The following CATSPERD variants were observed in gnomAD, a reference collection of about 807,000 sequenced individuals.
CATSPERD encodes catsper channel auxiliary subunit delta, also known as cation channel sperm-associated auxiliary subunit delta.
In CATSPERD, 86 loss-of-function variants were observed where a neutral mutation model predicts 98.1. That is an observed-to-expected ratio of 0.88 (90% CI 0.74 to 1.05). CATSPERD has a LOEUF of 1.05. Among genes scored for constraint, CATSPERD ranks in the 50% least tolerant of loss-of-function variants. CATSPERD has a pLI of 0.00. For missense variants in CATSPERD, 995 were observed against 1,005.7 expected (o/e 0.99, Z 0.14); for synonymous variants, 394 against 390.2 (o/e 1.01, Z -0.12).
rs2056057234 is a variant in CATSPERD at position 5,744,481 on chromosome 19, G to A, written c.628G>A (p.Val210Ile). 2 of 1,612,536 alleles carry A rather than the reference G, an allele frequency of 1.2e-6. No individual in the cohort carries two copies. The highest frequency in any genetic ancestry group is 1.6e-4 in the Middle Eastern group (1 of 6,070). Residue 210 changes from valine (V) to isoleucine (I), a missense_variant, in exon 8 of 22, where the codon GTT becomes ATT. By Grantham distance (29) the Val-to-Ile change is conservative (BLOSUM62 3). This residue lies in a region of CATSPERD where 762 missense variants were observed against 773.7 expected (regional missense o/e 0.98). Transcript: ENST00000381624. ...GIFHFFSLSQ[V>I]AMLVVNQGKG... Reference sequence around the variant, plus strand: ...CTTCCACTTTTTTTCTTTGTCACAGGTTGCGATGCTTGTAGTGAATCAAGG... The same window carrying A: ...CTTCCACTTTTTTTCTTTGTCACAGATTGCGATGCTTGTAGTGAATCAAGG...
rs533232488 is a variant in CATSPERD, at chr19:5,767,339, G to T, written c.1560-829G>T. 1.1e-3 allele frequency among the ~76,000 whole-genome samples: 146 copies of T among 134,938 alleles called. 6 individuals are homozygous for T. The South Asian group carries it at 0.033, about 31-fold the overall frequency. 88.5% of individuals were successfully genotyped at this position (134,938 alleles called of 152,430 possible). A position where few individuals can be genotyped will look rare whatever the true frequency, so the allele number is the denominator to read the frequency against. On this transcript the variant is annotated intron_variant, in intron 17 of 21. Transcript: ENST00000381624. ...CTCAAAAAAAAAAAAAAAAAAGCCA[G>T]ACCAGCTACACCTCTAACGGCAAAG...
intron 8 of CATSPERD, among the ~76,000 whole-genome samples, chr19:5,745,666 T>C (rs1235745050): frequency 6.6e-6 from 1 of 152,168 alleles, no homozygotes; most frequent in Non-Finnish European, 1.5e-5. Context: ...AAATGCATTG[T>C]GCATTTGACA....
intron 20 of CATSPERD, among the ~76,000 whole-genome samples, chr19:5,774,156 CG>C (rs1568376998): frequency 6.6e-6 from 1 of 151,536 alleles, no homozygotes; most frequent in East Asian, 2.0e-4. Context: ...TTAGTAGAGA[CG>C]GGGTTTCACC....
intron 5 of CATSPERD, among the ~76,000 whole-genome samples, chr19:5,735,774 ATTTTTTT>A (rs34107835): frequency 3.9e-5 from 4 of 102,060 alleles, no homozygotes; most frequent in Admixed American, 3.6e-4. Flanking sequence ...TGCCCGGCTA[ATTTTTTT>A]TTTTTTTTTT....
At chr19:5,760,264 T>A (rs1196460483) in intron 15 of CATSPERD, among the ~76,000 whole-genome samples, 3 of 150,784 alleles carry the variant, frequency 2.0e-5, no homozygotes, top group Non-Finnish European at 4.4e-5. Context: ...CCAGGCATGG[T>A]GACAGGCGCC....
chr19:5,773,527 T>C (rs1411726326), intron 20 of CATSPERD, among the ~76,000 whole-genome samples: 1 of 152,050 alleles, frequency 6.6e-6, no homozygotes, highest in African/African-American at 2.4e-5. Context: ...GCATCTGTTT[T>C]ATTTTTATTT....
rs576550342 is a variant in CATSPERD, at chr19:5,754,745, G to A, written c.1278+500G>A. ...GACGTGCCTCTGCATGTCTGGGCGT[G>A]ATGAGGCTGTGGCTGTCCAGCTGGC... On this transcript the variant is annotated intron_variant, in intron 13 of 21. Transcript: ENST00000381624. Among the ~76,000 whole-genome samples, 6 of 152,012 alleles carry A rather than the reference G, an allele frequency of 3.9e-5. No individual in the cohort carries two copies. In the East Asian group the frequency reaches 1.2e-3, roughly 30 times the overall value.
chr19:5,731,040 C>T (rs866611161), intron 4 of CATSPERD, among the ~76,000 whole-genome samples: 1 of 148,728 alleles, frequency 6.7e-6, no homozygotes, highest in Non-Finnish European at 1.5e-5. Flanking sequence ...TGTAGTGAGC[C>T]GTGATCGCAC....
rs144332173 is a variant in CATSPERD at position 5,740,582 on chromosome 19, C to T, written c.573+1143C>T. Among the ~76,000 whole-genome samples the T allele has an allele frequency of 5.9e-3, 887 of 151,614 alleles. 8 individuals carry two copies. Among genetic ancestry groups the T allele is most frequent in the African/African-American group, 0.02 (844 of 41,356 alleles). On this transcript the variant is annotated intron_variant, in intron 7 of 21. Transcript: ENST00000381624. ...AGCCTGGGCAACAAGAGCGAAACTC[C>T]ATCTCAAAATAAATAAATAAAATAA...
At chr19:5,744,270 G>A (rs62107434) in intron 7 of CATSPERD, among the ~76,000 whole-genome samples, 157 bp from the exon 8 acceptor site, 17 of 152,066 alleles carry the variant, frequency 1.1e-4, no homozygotes, top group African/African-American at 3.6e-4. Context: ...GTGAACCACC[G>A]CACCCAATTG....
At chr19:5,749,062 C>G in intron 10 of CATSPERD, 39 bp from the exon 11 acceptor site, 1 of 1,547,422 alleles carries the variant, frequency 6.5e-7, no homozygotes, top group Non-Finnish European at 8.9e-7. Flanking sequence ...AAATGACCAG[C>G]ATTTCAATTT....
chr19:5,733,327 C>CT (rs1568343626), intron 4 of CATSPERD, among the ~76,000 whole-genome samples: 1 of 142,242 alleles, frequency 7.0e-6, no homozygotes, highest in Non-Finnish European at 1.5e-5. Flanking sequence ...TTCTTTCTTT[C>CT]TTTCTTTCCT....
intron 11 of CATSPERD, among the ~76,000 whole-genome samples, chr19:5,750,815 GTTTCC>G (rs981164542): frequency 1.6e-4 from 25 of 152,006 alleles, no homozygotes; most frequent in African/African-American, 5.8e-4. Context: ...TTATGACTGT[GTTTCC>G]TCCCTCCCCC....
chr19:5,759,387 C>A (rs2056391096), intron 15 of CATSPERD, among the ~76,000 whole-genome samples: 1 of 151,404 alleles, frequency 6.6e-6, no homozygotes, highest in East Asian at 2.0e-4. Flanking sequence ...CACGGTGAAA[C>A]CCCGTCTCTA....
chr19:5,774,295 T>C (rs2056702865), intron 20 of CATSPERD, among the ~76,000 whole-genome samples: 1 of 152,118 alleles, frequency 6.6e-6, no homozygotes, highest in African/African-American at 2.4e-5. Flanking sequence ...TATGCATTCT[T>C]CATATGGGCT....
chr19:5,735,832 G>A (rs1292086766), intron 5 of CATSPERD, among the ~76,000 whole-genome samples: 1 of 135,900 alleles, frequency 7.4e-6, no homozygotes, highest in African/African-American at 2.8e-5. Flanking sequence ...GCTGGATGGC[G>A]TGCAGTGGCG....
intron 21 of CATSPERD, among the ~76,000 whole-genome samples, chr19:5,777,733 G>C (rs552641305): frequency 1.1e-4 from 17 of 152,076 alleles, no homozygotes; most frequent in African/African-American, 4.1e-4. Flanking sequence ...AAATTAGCCA[G>C]GTGTGATGGT....
rs749080620 is a variant in CATSPERD, at chr19:5,754,393, C to CTTTTTT, written c.1278+166_1278+171dup. ...TTCTGCATAGAAATTGTCTCTGTGT[C>CTTTTTT]TTTTTTTTTTTTTTTTTTTTTTTGA... is the stretch of plus-strand genomic sequence containing the variant. On this transcript the variant is annotated intron_variant, in intron 13 of 21. Coordinates refer to ENST00000381624, the MANE Select transcript of CATSPERD (RefSeq NM_152784.4). 1.2e-4 allele frequency: 27 copies of CTTTTTT among 230,500 alleles called. 1 individual carries two copies. The highest frequency in any genetic ancestry group is 2.0e-4 in the Admixed American group (3 of 14,908). 14.3% of individuals were successfully genotyped at this position (230,500 alleles called of 1,614,324 possible).
chr19:5,775,333 T>C (rs1198251908), intron 20 of CATSPERD: 1 of 468,180 alleles, frequency 2.1e-6, no homozygotes, highest in African/African-American at 2.0e-5. Context: ...CCTGCGTATT[T>C]ATTGAGTAGA....
Sources: gnomAD v4.1 joint callset for allele counts (sites outside exome capture counted in the v4.1 genomes callset) on GRCh38, gnomAD v4.1.1 for gene constraint, gnomAD v4.1.1 regional missense constraint, MANE v1.5 for transcripts, NCBI Gene and HGNC (gene_info 2026-07-23, HGNC 2026-07-21) for gene names.